NXN: variants seen among roughly 807,000 people sequenced by gnomAD.
NXN encodes the protein nucleoredoxin 1.
Under a neutral mutation model 48.6 loss-of-function variants are expected in NXN, and 16 were observed. The ratio of observed to expected loss-of-function variants is 0.33; its 90% confidence interval spans 0.22 to 0.50. NXN has a LOEUF of 0.50. Among genes scored for constraint, NXN ranks in the 20% least tolerant of loss-of-function variants. The probability of loss-of-function intolerance (pLI) is 0.98; values close to 1 mark genes in which losing one functional copy is unlikely to be tolerated. For missense variants in NXN, 492 were observed against 605.5 expected, an observed-to-expected ratio of 0.81 and a Z score of 1.97; for synonymous variants, 281 against 269.6, an observed-to-expected ratio of 1.04 and a Z score of -0.41.
chr17:870,043 C>T (rs1373771831), intron 1 of NXN, among the ~76,000 whole-genome samples: 1 of 152,110 alleles, frequency 6.6e-6, no homozygotes, highest in Admixed American at 6.6e-5. Context: ...TGTCACATTG[C>T]GGGGTGGAGT....
rs75802052 is a variant in NXN at position 937,681 on chromosome 17, G to C, written c.360+41638C>G. On this transcript the variant is annotated intron_variant, in intron 1 of 7. Coordinates refer to ENST00000336868, the MANE Select transcript of NXN (RefSeq NM_022463.5). ...TCTTTTCTGCACAGATTCCAGGGAA[G>C]TATCCTGGAGACAGACATCAAAGGC... Among the ~76,000 whole-genome samples the C allele has an allele frequency of 1.6e-4, 24 of 152,222 alleles. No homozygotes were observed. In the East Asian group the frequency reaches 4.5e-3, roughly 28 times the overall value.
At chr17:942,860 T>C (rs12942095) in intron 1 of NXN, among the ~76,000 whole-genome samples, 4 of 23,096 alleles carry the variant, frequency 1.7e-4, no homozygotes, top group Admixed American at 4.2e-4. Flanking sequence ...GATTCCAGGG[T>C]GCAGCCATGA....
chr17:967,014 G>A lies in NXN; in HGVS notation c.360+12305C>T, dbSNP rs540145450. Reference sequence around the variant, plus strand: ...AGAATGGACTTCCTCAGGAGATGGTGTGTTGGGGTCACTGGAAACACCCCA... The same window carrying A: ...AGAATGGACTTCCTCAGGAGATGGTATGTTGGGGTCACTGGAAACACCCCA... On this transcript the variant is annotated intron_variant, in intron 1 of 7. Transcript: ENST00000336868. Among the ~76,000 whole-genome samples the A allele has an allele frequency of 2.0e-5, 3 of 152,252 alleles. No individual in the cohort carries two copies. In the East Asian group the frequency reaches 5.8e-4, roughly 29 times the overall value.
rs548062700 is a variant in NXN, at chr17:919,507, A to C, written c.360+59812T>G. Reference sequence around the variant, plus strand: ...GAGGAAAAAGCCCTGTAATCTCAGCACAACCAGAAATTAAAGTGGCAGTTT... The same window carrying C: ...GAGGAAAAAGCCCTGTAATCTCAGCCCAACCAGAAATTAAAGTGGCAGTTT... On this transcript the variant is annotated intron_variant, in intron 1 of 7. Coordinates refer to ENST00000336868, the MANE Select transcript of NXN (RefSeq NM_022463.5). The surrounding 1 kb of genome is among the most constrained non-coding windows in gnomAD (Gnocchi z 5.1). Among the ~76,000 whole-genome samples the C allele has an allele frequency of 6.6e-6, 1 of 152,220 alleles. No individual in the cohort carries two copies. Among genetic ancestry groups the C allele is most frequent in the African/African-American group, 2.4e-5 (1 of 41,456 alleles).
intron 1 of NXN, among the ~76,000 whole-genome samples, chr17:970,855 G>A (rs933134185): frequency 7.2e-5 from 11 of 152,072 alleles, no homozygotes; most frequent in Admixed American, 3.3e-4. Context: ...TAATATGTAC[G>A]CATTTTGAGT....
intron 1 of NXN, among the ~76,000 whole-genome samples, chr17:882,496 C>G (rs1031499389): frequency 6.6e-6 from 1 of 151,776 alleles, no homozygotes; most frequent in Non-Finnish European, 1.5e-5. Context: ...GATGGAGTCT[C>G]GCTCTGTCAC....
At chr17:946,455 C>T (rs1258748829) in intron 1 of NXN, among the ~76,000 whole-genome samples, 1 of 152,236 alleles carries the variant, frequency 6.6e-6, no homozygotes, top group Admixed American at 6.5e-5. Context: ...GCGTGAGCCA[C>T]CACACCCGGC....
chr17:969,844 T>A (rs2069352313), intron 1 of NXN, among the ~76,000 whole-genome samples: 2 of 151,942 alleles, frequency 1.3e-5, no homozygotes, highest in Admixed American at 1.3e-4. Flanking sequence ...GAAAGCCCTA[T>A]CCCTAGGACA....
chr17:806,993 C>T (rs541053152), intron 5 of NXN, among the ~76,000 whole-genome samples: 46 of 152,302 alleles, frequency 3.0e-4, no homozygotes, highest in African/African-American at 9.4e-4. Flanking sequence ...TGGGGATTTT[C>T]GGGTGTGCTC....
Position 842,308 on chromosome 17 carries a change from G to A in NXN, c.361-16230C>T, listed in dbSNP as rs116155762. Among the ~76,000 whole-genome samples the A allele has an allele frequency of 5.6e-3, 860 of 152,284 alleles. 13 individuals carry two copies. Among genetic ancestry groups the A allele is most frequent in the African/African-American group, 0.02 (815 of 41,552 alleles). On this transcript the variant is annotated intron_variant, in intron 1 of 7. Coordinates refer to ENST00000336868, the MANE Select transcript of NXN (RefSeq NM_022463.5). ...GGCAGAATTTTATACAGAAACAGTC[G>A]CTAGTTCCAACCAGAAAGCCCAGAG...
intron 1 of NXN, among the ~76,000 whole-genome samples, chr17:929,127 T>A (rs4968135): frequency 0.87 from 133,011 of 152,222 alleles, 58,249 homozygotes; most frequent in East Asian, 0.98. Flanking sequence ...AAAAACCCAG[T>A]TTGTTAGCTT....
rs751728110 is a variant in NXN at position 822,474 on chromosome 17, C to A, written c.613-17G>T. ...GGGCGGACACTGAAAGACAGGACAG[C>A]AAGACCCGCTGCGTCACGCTGCTTC... On this transcript the variant is annotated splice_polypyrimidine_tract_variant and intron_variant, in intron 3 of 7. Transcript: ENST00000336868. The A allele has an allele frequency of 1.3e-6, 2 of 1,591,776 alleles. No homozygotes were observed. Among genetic ancestry groups the A allele is most frequent in the South Asian group, 1.1e-5 (1 of 90,614 alleles).
intron 1 of NXN, chr17:930,303 G>A (rs993415877): frequency 1.3e-5 from 2 of 152,086 alleles, no homozygotes; most frequent in African/African-American, 2.4e-5. Context: ...GTGTGATGGC[G>A]GATATCTGTC....
intron 1 of NXN, among the ~76,000 whole-genome samples, chr17:927,182 A>G (rs772789084): frequency 1.3e-5 from 2 of 151,658 alleles, no homozygotes; most frequent in African/African-American, 2.4e-5. Flanking sequence ...GCGTGGTGGC[A>G]GGCGCCTGTA....
At chr17:882,969 G>A (rs1466738545) in intron 1 of NXN, among the ~76,000 whole-genome samples, 1 of 152,160 alleles carries the variant, frequency 6.6e-6, no homozygotes, top group East Asian at 1.9e-4. Context: ...GGCCAGGCTG[G>A]TCTGGAACTC....
rs530986236 is a variant in NXN at position 920,058 on chromosome 17, C to T, written c.360+59261G>A. 3.8e-4 allele frequency among the ~76,000 whole-genome samples: 58 copies of T among 152,232 alleles called. No homozygotes were observed. The highest frequency in any genetic ancestry group is 1.3e-3 in the African/African-American group (52 of 41,548). ...CTCCAACTCTCTTCGAGCCACCACG[C>T]GGTGCAAATGTTTGTATTTTTGGTG... On this transcript the variant is annotated intron_variant, in intron 1 of 7. Coordinates refer to ENST00000336868, the MANE Select transcript of NXN (RefSeq NM_022463.5). The surrounding 1 kb of genome is among the most constrained non-coding windows in gnomAD (Gnocchi z 4.6).
intron 1 of NXN, among the ~76,000 whole-genome samples, chr17:840,590 G>T (rs768275720): frequency 1.4e-4 from 21 of 152,178 alleles, no homozygotes; most frequent in Admixed American, 2.6e-4. Flanking sequence ...CCGCCCGCCT[G>T]GGCCTCCCAA....
At chr17:836,794 T>G (rs1227137393) in intron 1 of NXN, among the ~76,000 whole-genome samples, 1 of 152,074 alleles carries the variant, frequency 6.6e-6, no homozygotes, top group African/African-American at 2.4e-5. Flanking sequence ...GAAATAAGTG[T>G]TAGTTGCTTT....
At position 979,718 on chromosome 17, in the gene NXN, C is replaced by G; in HGVS notation, c.-40G>C. 7.7e-7 allele frequency: 1 copy of G among 1,304,932 alleles called. No homozygotes were observed. Among genetic ancestry groups the G allele is most frequent in the Non-Finnish European group, 9.7e-7 (1 of 1,027,006 alleles). 80.8% of individuals were successfully genotyped at this position (1,304,932 alleles called of 1,614,324 possible). On this transcript the variant is annotated 5_prime_UTR_variant, in exon 1 of 8. Coordinates refer to ENST00000336868, the MANE Select transcript of NXN (RefSeq NM_022463.5). ...GGGCGGGCAGGCGGCTGCGACCCCG[C>G]TCCACGGTCCGCGCGGCGGGAGGAG...
Sources: gnomAD v4.1 joint callset for allele counts (sites outside exome capture counted in the v4.1 genomes callset) on GRCh38, gnomAD v4.1.1 for gene constraint, Gnocchi (gnomAD v3.1) non-coding constraint, MANE v1.5 for transcripts, NCBI Gene and HGNC (gene_info 2026-07-23, HGNC 2026-07-21) for gene names.